Variants in TCAIM observed in about 807,000 individuals in gnomAD.
TCAIM encodes T-cell activation inhibitor, mitochondrial.
Under a neutral mutation model 58.6 loss-of-function variants are expected in TCAIM, and 36 were observed. The observed-to-expected ratio is 0.61, with a 90% CI of 0.47 to 0.81. The LOEUF is 0.81. Ranked by LOEUF, TCAIM falls within the 30% of genes least tolerant of loss-of-function variation. The pLI, the probability that TCAIM is intolerant of heterozygous loss-of-function variation, is 0.00. For missense variants in TCAIM, 466 were observed against 579.6 expected (o/e 0.80, Z 2.01); for synonymous variants, 172 against 193.6 (o/e 0.89, Z 0.93).
intron 5 of TCAIM, among the ~76,000 whole-genome samples, chr3:44,375,462 G>A (rs1344966848): frequency 1.3e-5 from 2 of 152,156 alleles, no homozygotes; most frequent in Non-Finnish European, 2.9e-5. Context: ...CAGATCTTAT[G>A]GAAACTAATA....
At chr3:44,386,759 A>G (rs1177482696) in intron 5 of TCAIM, among the ~76,000 whole-genome samples, 1 of 152,228 alleles carries the variant, frequency 6.6e-6, no homozygotes, top group Non-Finnish European at 1.5e-5. Flanking sequence ...GGAGGGAGGC[A>G]TGGTGAGGGT....
intron 4 of TCAIM, among the ~76,000 whole-genome samples, chr3:44,365,164 A>C (rs1337303308): frequency 4.6e-5 from 7 of 152,082 alleles, no homozygotes; most frequent in Admixed American, 2.6e-4. Context: ...TTCCTCCTTT[A>C]CTGACTAGAA....
At chr3:44,341,924 A>G (rs1700862217) in intron 1 of TCAIM, among the ~76,000 whole-genome samples, 1 of 152,144 alleles carries the variant, frequency 6.6e-6, no homozygotes, top group African/African-American at 2.4e-5. Context: ...ATTAGATTTC[A>G]CCTTTTAGAA....
chr3:44,345,455 G>T (rs533728327), intron 1 of TCAIM, among the ~76,000 whole-genome samples: 90 of 152,178 alleles, frequency 5.9e-4, no homozygotes, highest in Middle Eastern at 3.4e-3. Context: ...CTATCTTTGA[G>T]TTTTTTTATG....
At chr3:44,348,814 G>C (rs577763502) in intron 1 of TCAIM, among the ~76,000 whole-genome samples, 1 of 152,274 alleles carries the variant, frequency 6.6e-6, no homozygotes, top group South Asian at 2.1e-4. Flanking sequence ...CCATGAACTG[G>C]GCTGGGTTTT....
intron 1 of TCAIM, among the ~76,000 whole-genome samples, chr3:44,353,054 C>T (rs1160989446): frequency 1.3e-5 from 2 of 150,996 alleles, no homozygotes; most frequent in Non-Finnish European, 1.5e-5. Flanking sequence ...TCACAAGTAG[C>T]TGGGATTACA....
At chr3:44,338,714 C>T (rs1700780358), upstream of TCAIM, 1 of 152,348 alleles carries the variant, frequency 6.6e-6, no homozygotes, top group Admixed American at 6.5e-5. Context: ...CAGCTGACGC[C>T]CCAGTGCGCA....
chr3:44,398,147 C>T (rs777564084), intron 8 of TCAIM, among the ~76,000 whole-genome samples: 1 of 152,018 alleles, frequency 6.6e-6, no homozygotes, highest in Non-Finnish European at 1.5e-5. Context: ...GTTTATTGGC[C>T]GGGCACTGTG....
chr3:44,357,775 C>T lies in TCAIM; in HGVS notation c.64C>T (p.Pro22Ser). 6.2e-7 allele frequency: 1 copy of T among 1,614,122 alleles called. No individual in the cohort carries two copies. The highest frequency in any genetic ancestry group is 8.5e-7 in the Non-Finnish European group (1 of 1,180,010). The change falls in exon 3 of 11, where the codon CCC becomes TCC. Residue 22 changes from proline (P) to serine (S), a missense_variant. Transcript: ENST00000342649. Reference sequence around the variant, plus strand: ...AGAGAAGATATTTCCACACTGGTTTCCCTTTTCAAGAGCTTTATCGGGAGC... The same window carrying T: ...AGAGAAGATATTTCCACACTGGTTTTCCTTTTCAAGAGCTTTATCGGGAGC... ...CLEKIFPHWF[P>S]FSRALSGAEA...
rs557333721 is a variant in TCAIM at position 44,359,639 on chromosome 3, C to G, written c.166-1726C>G. The G allele has an allele frequency of 2.6e-5, 4 of 152,290 alleles. No homozygotes were observed. The South Asian group carries it at 8.3e-4, about 32-fold the overall frequency. 9.4% of individuals were successfully genotyped at this position (152,290 alleles called of 1,614,324 possible). A position where few individuals can be genotyped will look rare whatever the true frequency, so the allele number is the denominator to read the frequency against. ...GGCAACACTTTTACGTATTGTCACA[C>G]ACCATTGCTGGGGGGATTAAGCACT... On this transcript the variant is annotated intron_variant, in intron 3 of 10. Transcript: ENST00000342649.
At chr3:44,357,081 A>G (rs945468211) in intron 2 of TCAIM, among the ~76,000 whole-genome samples, 2 of 152,188 alleles carry the variant, frequency 1.3e-5, no homozygotes, top group Non-Finnish European at 2.9e-5. Context: ...CTTTTTAAGT[A>G]TAATAATTAT....
At chr3:44,396,259 A>AT in intron 6 of TCAIM, 141 bp from the exon 7 acceptor site, 1 of 622,798 alleles carries the variant, frequency 1.6e-6, no homozygotes, top group Non-Finnish European at 2.7e-6. Flanking sequence ...GCTTAGAAAC[A>AT]TATGATCAAT....
rs1702127064 is a variant in TCAIM at position 44,408,003 on chromosome 3, A to G, written c.*321A>G. The G allele has an allele frequency of 5.9e-6, 1 of 170,508 alleles. No individual in the cohort carries two copies. Among genetic ancestry groups the G allele is most frequent in the Admixed American group, 6.3e-5 (1 of 15,782 alleles). 10.6% of individuals were successfully genotyped at this position (170,508 alleles called of 1,614,324 possible). A position where few individuals can be genotyped will look rare whatever the true frequency, so the allele number is the denominator to read the frequency against. ...AGCAACAGAACAAGACCTTGTCTCA[A>G]AAAATAATAATGATAATTTAAAATA... On this transcript the variant is annotated 3_prime_UTR_variant, in exon 11 of 11. Coordinates refer to ENST00000342649, the MANE Select transcript of TCAIM (RefSeq NM_173826.4).
At chr3:44,341,943 T>C (rs111715941) in intron 1 of TCAIM, among the ~76,000 whole-genome samples, 10 of 152,320 alleles carry the variant, frequency 6.6e-5, no homozygotes, top group African/African-American at 2.4e-4. Context: ...AAAAGTCTTA[T>C]TGAATATTTC....
chr3:44,382,457 A>G (rs1701669350), intron 5 of TCAIM, among the ~76,000 whole-genome samples: 1 of 152,236 alleles, frequency 6.6e-6, no homozygotes, highest in Admixed American at 6.5e-5. Context: ...ACTTGCATAT[A>G]TGGTCAACTG....
At chr3:44,378,209 C>T (rs1054090525) in intron 5 of TCAIM, among the ~76,000 whole-genome samples, 10 of 151,782 alleles carry the variant, frequency 6.6e-5, no homozygotes, top group African/African-American at 2.2e-4. Context: ...GGTGAAACCC[C>T]GTCTCTACTA....
At chr3:44,377,877 G>A (rs1333254737) in intron 5 of TCAIM, among the ~76,000 whole-genome samples, 5 of 152,142 alleles carry the variant, frequency 3.3e-5, no homozygotes, top group African/African-American at 1.2e-4. Context: ...TCTGGACATA[G>A]GGGCTGGCAA....
At position 44,392,919 on chromosome 3, in the gene TCAIM, AAAG is replaced by A; in HGVS notation, c.640_642del (p.Glu214del). On this transcript the variant is annotated inframe_deletion, in exon 6 of 11. Transcript: ENST00000342649. ...GCTAAAGAACAGTTTGCCACTTAGA[AAAG>A]AACTAGATCGTTTAAAAGATGAACT... 1.2e-6 allele frequency: 2 copies of A among 1,613,650 alleles called. No homozygotes were observed.
At chr3:44,394,458 C>G (rs751879065) in intron 6 of TCAIM, among the ~76,000 whole-genome samples, 1 of 151,854 alleles carries the variant, frequency 6.6e-6, no homozygotes, top group Non-Finnish European at 1.5e-5. Context: ...ATAACTTTTT[C>G]TAATAGAAAT....
Sources: allele counts gnomAD v4.1 joint callset (sites outside exome capture counted in the v4.1 genomes callset), GRCh38; gene constraint gnomAD v4.1.1; transcripts MANE v1.5; gene names NCBI Gene and HGNC (gene_info 2026-07-23, HGNC 2026-07-21).